Variants in TFAP2E observed in about 807,000 individuals in gnomAD.
The protein encoded by TFAP2E is transcription factor AP-2-epsilon.
TFAP2E carries 30 observed loss-of-function variants against 37.9 expected under a neutral mutation model. The observed-to-expected ratio is 0.79, with a 90% CI of 0.59 to 1.07. The LOEUF is 1.07. TFAP2E is among the 50% of genes least tolerant of loss of function. The pLI is 0.00. For missense variants in TFAP2E, 567 were observed against 637.9 expected, an observed-to-expected ratio of 0.89 and a Z score of 1.20; for synonymous variants, 318 against 295.8, an observed-to-expected ratio of 1.08 and a Z score of -0.77.
intron 3 of TFAP2E, among the ~76,000 whole-genome samples, chr1:35,576,243 G>T (rs1649166884): frequency 6.6e-6 from 1 of 152,198 alleles, no homozygotes. Context: ...GCTGGGGGTT[G>T]GGTGGATGAC....
intron 3 of TFAP2E, among the ~76,000 whole-genome samples, chr1:35,582,134 T>C (rs1384983975): frequency 6.6e-6 from 1 of 152,088 alleles, no homozygotes; most frequent in Non-Finnish European, 1.5e-5. Context: ...CACCTCAGCC[T>C]CCCAAATTGC....
chr1:35,573,520 T>G lies in TFAP2E; in HGVS notation c.-58T>G. The G allele has an allele frequency of 1.4e-6, 2 of 1,461,238 alleles. No homozygotes were observed. The highest frequency in any genetic ancestry group is 1.8e-6 in the Non-Finnish European group (2 of 1,109,374). The allele number at this position is 1,461,238 out of a possible 1,614,324, so 90.5% of individuals were successfully genotyped here. A position where few individuals can be genotyped will look rare whatever the true frequency, so the allele number is the denominator to read the frequency against. ...CTCCCGGCGCCTCTGCCCGCAGCGCTCGCCGTCGGGCTAGGGCTCCGCCGC... is the reference window on the plus strand; with the variant it reads ...CTCCCGGCGCCTCTGCCCGCAGCGCGCGCCGTCGGGCTAGGGCTCCGCCGC... On this transcript the variant is annotated 5_prime_UTR_variant, in exon 1 of 7. Coordinates refer to ENST00000373235, the MANE Select transcript of TFAP2E (RefSeq NM_178548.4). This position sits in a 1 kb window ranked among gnomAD's most constrained non-coding sequence, Gnocchi z 5.9.
chr1:35,589,883 C>A (rs768755951), intron 4 of TFAP2E, 47 bp from the exon 5 acceptor site: 10 of 1,601,750 alleles, frequency 6.2e-6, no homozygotes, highest in South Asian at 1.1e-5. Context: ...CCATGCGTTT[C>A]TCTTGTCTTC....
At position 35,590,812 on chromosome 1, in the gene TFAP2E, C is replaced by A; in HGVS notation, c.1046+37C>A. On this transcript the variant is annotated intron_variant, in intron 6 of 6. Coordinates refer to ENST00000373235, the MANE Select transcript of TFAP2E (RefSeq NM_178548.4). This position sits in a 1 kb window ranked among gnomAD's most constrained non-coding sequence, Gnocchi z 6.2. Reference sequence around the variant, plus strand: ...CACCCTGCACAGGCACACGTGGGTGCCATGCACAGACAGACATCATGTATG... The same window carrying A: ...CACCCTGCACAGGCACACGTGGGTGACATGCACAGACAGACATCATGTATG... The A allele has an allele frequency of 1.5e-6, 2 of 1,368,052 alleles. No individual in the cohort carries two copies. Among genetic ancestry groups the A allele is most frequent in the Non-Finnish European group, 1.9e-6 (2 of 1,045,032 alleles). The allele number at this position is 1,368,052 out of a possible 1,614,324, so 84.7% of individuals were successfully genotyped here. A position where few individuals can be genotyped will look rare whatever the true frequency, so the allele number is the denominator to read the frequency against.
Position 35,577,076 on chromosome 1 carries a change from G to C in TFAP2E, c.562+2076G>C, listed in dbSNP as rs868783440. On this transcript the variant is annotated intron_variant, in intron 3 of 6. Transcript: ENST00000373235. This position sits in a 1 kb window ranked among gnomAD's most constrained non-coding sequence, Gnocchi z 6.3. The stretch of plus-strand genomic sequence containing the variant: ...GGTCTGTGGCCCAGTGGAGCGAGTG[G>C]AGCGCTGGCGACCTGAGCGGAGACT... 2.7e-4 allele frequency among the ~76,000 whole-genome samples: 41 copies of C among 152,318 alleles called. No individual in the cohort carries two copies. Among genetic ancestry groups the C allele is most frequent in the African/African-American group, 9.1e-4 (38 of 41,586 alleles).
In TFAP2E at chr1:35,588,939, G is replaced by A. The variant is rs78284730; in HGVS notation, c.785+387G>A. Among the ~76,000 whole-genome samples the A allele has an allele frequency of 0.02, 3,077 of 152,268 alleles. 91 individuals are homozygous for A. The highest frequency in any genetic ancestry group is 0.062 in the East Asian group (320 of 5,176). On this transcript the variant is annotated intron_variant, in intron 4 of 6. Transcript: ENST00000373235. This position sits in a 1 kb window ranked among gnomAD's most constrained non-coding sequence, Gnocchi z 5.1. ...CAGCATAGGCCCTGTGTGTTTTGGG[G>A]TGTGGAGCATGGTAGTCCATGGTTC...
chr1:35,594,307 A>G, intron 6 of TFAP2E, 87 bp from the exon 7 acceptor site: 1 of 1,509,622 alleles, frequency 6.6e-7, no homozygotes, highest in Non-Finnish European at 8.9e-7. Context: ...TGTGTAGCTA[A>G]TGTCTGTAAA....
rs548873502 is a variant in TFAP2E at position 35,577,708 on chromosome 1, G to C, written c.562+2708G>C. ...ACTTCGCCAGCGCCGCGGGGCAGAGGCACCTGGAGCTCGCAGGGCCCAGAC... is the reference window on the plus strand; with the variant it reads ...ACTTCGCCAGCGCCGCGGGGCAGAGCCACCTGGAGCTCGCAGGGCCCAGAC... On this transcript the variant is annotated intron_variant, in intron 3 of 6. Coordinates refer to ENST00000373235, the MANE Select transcript of TFAP2E (RefSeq NM_178548.4). This position sits in a 1 kb window ranked among gnomAD's most constrained non-coding sequence, Gnocchi z 6.3. The C allele has an allele frequency of 3.3e-6, 1 of 301,366 alleles. No individual in the cohort carries two copies. The highest frequency in any genetic ancestry group is 9.2e-5 in the East Asian group (1 of 10,884). The allele number at this position is 301,366 out of a possible 1,614,324, so 18.7% of individuals were successfully genotyped here. A position where few individuals can be genotyped will look rare whatever the true frequency, so the allele number is the denominator to read the frequency against.
At position 35,575,011 on chromosome 1, in the gene TFAP2E, G is replaced by A. The variant is rs763846746; in HGVS notation, c.562+11G>A. On this transcript the variant is annotated intron_variant, in intron 3 of 6. Transcript: ENST00000373235. ...CCGTGATCAAGAAAGGTAAGGAATG[G>A]TCTGTCAGGGCAGAGCCCGGCGAGA... is the stretch of plus-strand genomic sequence containing the variant. 2 of 1,613,856 alleles carry A rather than the reference G, an allele frequency of 1.2e-6. No homozygotes were observed. The highest frequency in any genetic ancestry group is 1.7e-6 in the Non-Finnish European group (2 of 1,179,988).
In TFAP2E at chr1:35,594,387, G is replaced by C. The variant is rs762860212; in HGVS notation, c.1047-7G>C. The C allele has an allele frequency of 5.0e-6, 8 of 1,610,160 alleles. No individual in the cohort carries two copies. The South Asian group carries it at 8.8e-5, about 18-fold the overall frequency. On this transcript the variant is annotated splice_region_variant and splice_polypyrimidine_tract_variant and intron_variant, in intron 6 of 6. Transcript: ENST00000373235. ...CCTCCAACCTCTGACCCTCCTTCTC[G>C]CACCAGGCAGATCTGCAAGGAGTTT...
chr1:35,579,582 G>T (rs1209043556), intron 3 of TFAP2E, among the ~76,000 whole-genome samples: 1 of 151,646 alleles, frequency 6.6e-6, no homozygotes, highest in African/African-American at 2.4e-5. Flanking sequence ...TTTAGTAGGG[G>T]CGTGGTTTCA....
chr1:35,580,683 G>C (rs1339195908), intron 3 of TFAP2E, among the ~76,000 whole-genome samples: 2 of 152,028 alleles, frequency 1.3e-5, no homozygotes, highest in African/African-American at 4.8e-5. Flanking sequence ...GCTGAGGCAG[G>C]AGAATGGCGT....
In TFAP2E at chr1:35,590,381, C is replaced by T. The variant is rs1478976808; in HGVS notation, c.905-253C>T. Among the ~76,000 whole-genome samples the T allele has an allele frequency of 6.6e-6, 1 of 152,032 alleles. No individual in the cohort carries two copies. The highest frequency in any genetic ancestry group is 2.4e-5 in the African/African-American group (1 of 41,372). ...AAGGGATGAAGGGGGTGACAGCCCC[C>T]TCCCCTGGAGGTTGGTGCCTCTGGA... is the stretch of plus-strand genomic sequence containing the variant. On this transcript the variant is annotated intron_variant, in intron 5 of 6. Coordinates refer to ENST00000373235, the MANE Select transcript of TFAP2E (RefSeq NM_178548.4). The surrounding 1 kb of genome is among the most constrained non-coding windows in gnomAD (Gnocchi z 6.2).
rs1293665494 is a variant in TFAP2E, at chr1:35,595,274, T to C, written c.*598T>C. 1.3e-5 allele frequency: 2 copies of C among 154,694 alleles called. No homozygotes were observed. The highest frequency in any genetic ancestry group is 2.4e-5 in the African/African-American group (1 of 41,476). The allele number at this position is 154,694 out of a possible 1,614,324, so 9.6% of individuals were successfully genotyped here. On this transcript the variant is annotated 3_prime_UTR_variant, in exon 7 of 7. Transcript: ENST00000373235. ...CAGGCTGCTGCTCATCATAGTCCTGTTGCTGTCTGTCCTATTTATTTATGT... is the reference window on the plus strand; with the variant it reads ...CAGGCTGCTGCTCATCATAGTCCTGCTGCTGTCTGTCCTATTTATTTATGT...
Position 35,590,749 on chromosome 1 carries a change from C to A in TFAP2E, c.1020C>A (p.Ser340Arg), listed in dbSNP as rs763580738. 3 of 1,488,740 alleles carry A rather than the reference C, an allele frequency of 2.0e-6. No individual in the cohort carries two copies. The highest frequency in any genetic ancestry group is 2.7e-5 in the South Asian group (2 of 73,698). 92.2% of individuals were successfully genotyped at this position (1,488,740 alleles called of 1,614,324 possible). The change falls in exon 6 of 7, where the codon AGC becomes AGA. Residue 340 changes from serine (S) to arginine (R), a missense_variant. Physicochemically the swap from Ser to Arg is moderately radical, Grantham distance 110 (BLOSUM62 -1). Around this residue, in one of 3 missense-constraint regions of TFAP2E, gnomAD observed 252 missense variants for 302.6 expected, o/e 0.83. Transcript: ENST00000373235. This position sits in a 1 kb window ranked among gnomAD's most constrained non-coding sequence, Gnocchi z 6.2. ...ACGCTGACCCGGGGGAGCTGCACAG[C>A]CGCAAGAGCATGCTGCTGGCTGCCA... ...RQHADPGELH[S>R]RKSMLLAAKQ...
chr1:35,576,800 G>C (rs1033594502), intron 3 of TFAP2E, among the ~76,000 whole-genome samples: 30 of 152,208 alleles, frequency 2.0e-4, no homozygotes, highest in African/African-American at 6.8e-4. Flanking sequence ...GCAGTCCAAA[G>C]AACACAACGA....
In TFAP2E at chr1:35,577,359, C is replaced by G. The variant is rs906634678; in HGVS notation, c.562+2359C>G. 1 of 456,792 alleles carries G rather than the reference C, an allele frequency of 2.2e-6. No homozygotes were observed. Among genetic ancestry groups the G allele is most frequent in the Non-Finnish European group, 4.4e-6 (1 of 226,984 alleles). 28.3% of individuals were successfully genotyped at this position (456,792 alleles called of 1,614,324 possible). ...CGGTCACTGCGGGATTCGGCGTTGC[C>G]GCCAGCCCAGTGGGGAGTGAATTAG... On this transcript the variant is annotated intron_variant, in intron 3 of 6. Coordinates refer to ENST00000373235, the MANE Select transcript of TFAP2E (RefSeq NM_178548.4). This position sits in a 1 kb window ranked among gnomAD's most constrained non-coding sequence, Gnocchi z 6.3.
At chr1:35,585,548 T>A (rs561103005) in intron 3 of TFAP2E, among the ~76,000 whole-genome samples, 1 of 152,224 alleles carries the variant, frequency 6.6e-6, no homozygotes, top group African/African-American at 2.4e-5. Flanking sequence ...TGAATTGAGA[T>A]GCGCTTAAGC....
chr1:35,595,500 G>C (rs563127299), downstream of TFAP2E, among the ~76,000 whole-genome samples: 1 of 152,248 alleles, frequency 6.6e-6, no homozygotes, highest in African/African-American at 2.4e-5. Flanking sequence ...GGTTGTCACT[G>C]GGATCTTGTA....
Sources: gnomAD v4.1 joint callset for allele counts (sites outside exome capture counted in the v4.1 genomes callset) on GRCh38, gnomAD v4.1.1 for gene constraint, gnomAD v4.1.1 regional missense constraint, Gnocchi (gnomAD v3.1) non-coding constraint, MANE v1.5 for transcripts, NCBI Gene and HGNC (gene_info 2026-07-23, HGNC 2026-07-21) for gene names.